Variants in CSMD1 observed in about 807,000 individuals in gnomAD.
CSMD1 encodes CUB and Sushi multiple domains 1, also known as CUB and sushi domain-containing protein 1.
Under a neutral mutation model 417.5 loss-of-function variants are expected in CSMD1, and 213 were observed. The ratio of observed to expected loss-of-function variants is 0.51; its 90% CI spans 0.46 to 0.57. The LOEUF (loss-of-function observed/expected upper bound fraction) is 0.57, where lower values mean the gene tolerates loss of function less well. Among genes scored for constraint, CSMD1 ranks in the 20% least tolerant of loss-of-function variants. The probability of loss-of-function intolerance (pLI) is 0.00; values close to 1 mark genes in which losing one functional copy is unlikely to be tolerated. For synonymous variants in CSMD1, 2,862 were observed against 1,736.8 expected (o/e 1.65, Z -16.11); for missense variants, 6,923 against 4,529.7 (o/e 1.53, Z -15.17).
chr8:3,857,389 A>G (rs1311360688), intron 5 of CSMD1, among the ~76,000 whole-genome samples: 7 of 152,224 alleles, frequency 4.6e-5, no homozygotes, highest in Admixed American at 3.3e-4. Flanking sequence ...AGATTGGCCT[A>G]TATTTGGAAT....
Position 3,284,173 on chromosome 8 carries a change from C to G in CSMD1, c.4124G>C (p.Ser1375Thr), listed in dbSNP as rs141191857. ...TLQFDSDFFI[S>T]KSGFSIQFST... ...GAACTGGATGGAGAAGCCAGACTTG[C>G]TGATGAAGAAGTCGCTGTCGAACTG... The change falls in exon 26 of 70, where the codon AGC becomes ACC. Residue 1375 changes from serine to threonine, a missense_variant. Ser to Thr is a moderately conservative substitution (Grantham distance 58, BLOSUM62 1). Transcript: ENST00000635120. 11 of 1,582,470 alleles carry G rather than the reference C, an allele frequency of 7.0e-6. No individual in the cohort carries two copies. Among genetic ancestry groups the G allele is most frequent in the Non-Finnish European group, 9.4e-6 (11 of 1,164,650 alleles).
chr8:4,390,530 T>C, intron 3 of CSMD1, among the ~76,000 whole-genome samples: 1 of 151,608 alleles, frequency 6.6e-6, no homozygotes, highest in Non-Finnish European at 1.5e-5. Context: ...TATTTATTTT[T>C]TGAGATGGAG....
chr8:4,653,420 C>G (rs1192441963), intron 1 of CSMD1, among the ~76,000 whole-genome samples: 1 of 152,080 alleles, frequency 6.6e-6, no homozygotes, highest in Non-Finnish European at 1.5e-5. Context: ...TTGTTTAATT[C>G]ACAAGAGTAC....
chr8:4,811,125 A>C (rs1798875804), intron 1 of CSMD1, among the ~76,000 whole-genome samples: 1 of 152,204 alleles, frequency 6.6e-6, no homozygotes, highest in African/African-American at 2.4e-5. Context: ...GCAACACATA[A>C]ATGATCAAGT....
At chr8:4,467,965 A>G (rs969874390) in intron 2 of CSMD1, among the ~76,000 whole-genome samples, 2 of 152,216 alleles carry the variant, frequency 1.3e-5, no homozygotes, top group African/African-American at 4.8e-5. Flanking sequence ...GATGGTTTAC[A>G]AGGCTTGACT....
intron 3 of CSMD1, among the ~76,000 whole-genome samples, chr8:4,214,624 C>T (rs1800523318): frequency 6.6e-6 from 1 of 152,050 alleles, no homozygotes; most frequent in Admixed American, 6.6e-5. Context: ...TGAACAGAAA[C>T]ACTGAGTATG....
chr8:3,171,545 C>T (rs527665444), intron 37 of CSMD1, among the ~76,000 whole-genome samples: 1 of 152,234 alleles, frequency 6.6e-6, no homozygotes, highest in Admixed American at 6.5e-5. Flanking sequence ...TATTCCATGT[C>T]TAGACTCTTT....
intron 3 of CSMD1, among the ~76,000 whole-genome samples, chr8:4,194,220 C>T (rs1346152810): frequency 1.3e-5 from 2 of 152,090 alleles, no homozygotes; most frequent in African/African-American, 4.8e-5. Context: ...TTTCGTCCAG[C>T]AATCAACACT....
At chr8:4,699,098 C>A (rs1807334704) in intron 1 of CSMD1, among the ~76,000 whole-genome samples, 1 of 152,148 alleles carries the variant, frequency 6.6e-6, no homozygotes, top group South Asian at 2.1e-4. Flanking sequence ...AGTTTGAGGT[C>A]TTCGCTTTCT....
At chr8:3,923,922 AAG>A (rs1285696904) in intron 5 of CSMD1, among the ~76,000 whole-genome samples, 1 of 152,174 alleles carries the variant, frequency 6.6e-6, no homozygotes, top group Non-Finnish European at 1.5e-5. Context: ...AATTTCATAA[AAG>A]AGTTAGATTT....
intron 29 of CSMD1, among the ~76,000 whole-genome samples, chr8:3,217,376 A>G (rs1464049066): frequency 6.6e-6 from 1 of 152,224 alleles, no homozygotes; most frequent in Admixed American, 6.5e-5. Flanking sequence ...TCTTCATGCA[A>G]CCTGTAAGGC....
At chr8:4,128,903 C>T (rs1563160326) in intron 3 of CSMD1, among the ~76,000 whole-genome samples, 2 of 152,086 alleles carry the variant, frequency 1.3e-5, no homozygotes, top group African/African-American at 2.4e-5. Context: ...TCGTACAACT[C>T]ATATTGTTTT....
At chr8:3,117,554 T>C (rs890546201) in intron 42 of CSMD1, among the ~76,000 whole-genome samples, 8 of 152,228 alleles carry the variant, frequency 5.3e-5, no homozygotes, top group Non-Finnish European at 8.8e-5. Flanking sequence ...CCTGTATGTA[T>C]AGTGTGAGAA....
At chr8:4,566,970 G>A (rs1393844924) in intron 2 of CSMD1, among the ~76,000 whole-genome samples, 1 of 152,034 alleles carries the variant, frequency 6.6e-6, no homozygotes, top group Non-Finnish European at 1.5e-5. Flanking sequence ...AGCAGTCTCT[G>A]GAGAAAACAT....
chr8:4,203,327 C>G (rs1214977956), intron 3 of CSMD1, among the ~76,000 whole-genome samples: 2 of 152,056 alleles, frequency 1.3e-5, no homozygotes, highest in African/African-American at 2.4e-5. Flanking sequence ...CTCAGGGAGA[C>G]CCATCTGCAG....
intron 6 of CSMD1, among the ~76,000 whole-genome samples, chr8:3,734,216 G>A (rs966747500): frequency 1.3e-5 from 2 of 152,112 alleles, no homozygotes; most frequent in South Asian, 2.1e-4. Flanking sequence ...TGCATTTCAC[G>A]ATGAGAATGG....
intron 3 of CSMD1, among the ~76,000 whole-genome samples, chr8:4,311,172 T>G (rs1259300203): frequency 6.6e-6 from 1 of 152,114 alleles, no homozygotes; most frequent in Non-Finnish European, 1.5e-5. Context: ...GGAATATAAA[T>G]CATTCCACCA....
intron 5 of CSMD1, among the ~76,000 whole-genome samples, chr8:3,903,836 C>T (rs925774976): frequency 2.0e-5 from 3 of 152,038 alleles, no homozygotes; most frequent in African/African-American, 4.8e-5. Flanking sequence ...TCTGAGGTCT[C>T]TTTAGTGGTC....
At chr8:3,266,061 A>T (rs1299131312) in intron 26 of CSMD1, among the ~76,000 whole-genome samples, 2 of 151,946 alleles carry the variant, frequency 1.3e-5, no homozygotes, top group African/African-American at 4.8e-5. Flanking sequence ...CTTTGAAGTT[A>T]TTACCTTATG....
Sources: allele counts gnomAD v4.1 joint callset (sites outside exome capture counted in the v4.1 genomes callset), GRCh38; gene constraint gnomAD v4.1.1; transcripts MANE v1.5; gene names NCBI Gene and HGNC (gene_info 2026-07-23, HGNC 2026-07-21).